The following MITF variants were observed in gnomAD, a reference collection of about 807,000 sequenced individuals.
MITF encodes the protein microphthalmia-associated transcription factor.
Under a neutral mutation model 60.5 loss-of-function variants are expected in MITF, and 17 were observed. That is an observed-to-expected ratio of 0.28 (90% CI 0.19 to 0.42). The LOEUF is 0.42. Among genes scored for constraint, MITF ranks in the 10% least tolerant of loss-of-function variants. The probability of loss-of-function intolerance (pLI) is 1.00; values close to 1 mark genes in which losing one functional copy is unlikely to be tolerated. For missense variants in MITF, 622 were observed against 683.5 expected, an observed-to-expected ratio of 0.91 and a Z score of 1.00; for synonymous variants, 260 against 248.5, an observed-to-expected ratio of 1.05 and a Z score of -0.43.
chr3:69,821,628 A>G (rs1407386166), intron 1 of MITF, among the ~76,000 whole-genome samples: 2 of 151,046 alleles, frequency 1.3e-5, no homozygotes, highest in South Asian at 4.2e-4. Context: ...TCATAAGTAG[A>G]TAACCATCAA....
chr3:69,753,723 C>G (rs551474297), intron 1 of MITF, among the ~76,000 whole-genome samples: 29 of 152,366 alleles, frequency 1.9e-4, no homozygotes, highest in African/African-American at 7.0e-4. Flanking sequence ...GACTGCCCTG[C>G]TGGGTTTTGG....
intron 1 of MITF, among the ~76,000 whole-genome samples, chr3:69,848,957 CTTTTT>C (rs55969316): frequency 1.2e-4 from 9 of 73,306 alleles, no homozygotes; most frequent in African/African-American, 4.0e-4. Context: ...AAAGATTCTT[CTTTTT>C]TTTTTTTTTT....
At chr3:69,926,655 A>G (rs762573471) in intron 2 of MITF, among the ~76,000 whole-genome samples, 2 of 152,176 alleles carry the variant, frequency 1.3e-5, no homozygotes, top group Non-Finnish European at 2.9e-5. Flanking sequence ...CTGCACTCGC[A>G]GCTCCCATGG....
intron 1 of MITF, among the ~76,000 whole-genome samples, chr3:69,772,227 T>C (rs2062404903): frequency 6.6e-6 from 1 of 152,224 alleles, no homozygotes; most frequent in South Asian, 2.1e-4. Flanking sequence ...AGTTTTAATA[T>C]CTACCCTTGG....
At chr3:69,957,077 G>A (rs2066417517) in intron 8 of MITF, among the ~76,000 whole-genome samples, 1 of 152,160 alleles carries the variant, frequency 6.6e-6, no homozygotes, top group South Asian at 2.1e-4. Flanking sequence ...TTAAGTACAG[G>A]TCAGCTAATT....
At chr3:69,823,923 C>T (rs1484715842) in intron 1 of MITF, among the ~76,000 whole-genome samples, 1 of 152,158 alleles carries the variant, frequency 6.6e-6, no homozygotes, top group African/African-American at 2.4e-5. Flanking sequence ...AGAGCTTAGA[C>T]TAAAGGCCAC....
chr3:69,914,004 C>A (rs2065279673), intron 2 of MITF, among the ~76,000 whole-genome samples: 1 of 152,202 alleles, frequency 6.6e-6, no homozygotes, highest in Non-Finnish European at 1.5e-5. Context: ...TTTTCATGGG[C>A]TTTTCCATTT....
chr3:69,835,378 C>A (rs76933221), intron 1 of MITF, among the ~76,000 whole-genome samples: 2,335 of 152,244 alleles, frequency 0.015, 62 homozygotes, highest in African/African-American at 0.053. Context: ...TGGATATTAA[C>A]TCCTTGTCAG....
chr3:69,939,209 T>C, intron 4 of MITF, 28 bp downstream of exon 4: 1 of 1,587,950 alleles, frequency 6.3e-7, no homozygotes, highest in Non-Finnish European at 8.6e-7. Context: ...AGCCTGAGGA[T>C]GAACACTTTG....
rs151295827 is a variant in MITF, at chr3:69,813,838, T to C, written c.105-65296T>C. Among the ~76,000 whole-genome samples, 306 of 152,310 alleles carry C rather than the reference T, an allele frequency of 2.0e-3. 1 individual carries two copies. The highest frequency in any genetic ancestry group is 6.7e-3 in the African/African-American group (277 of 41,564). On this transcript the variant is annotated intron_variant, in intron 1 of 9. Transcript: ENST00000352241. ...AAGGATCTTAGATAAAATTGTGAAA[T>C]GGACTTAACTAGGCAATGAAAGATT... is the stretch of plus-strand genomic sequence containing the variant.
At chr3:69,878,906 C>A (rs535797801) in intron 1 of MITF, among the ~76,000 whole-genome samples, 4 of 152,118 alleles carry the variant, frequency 2.6e-5, no homozygotes, top group African/African-American at 9.6e-5. Context: ...ATTAAGCCGC[C>A]TGATAAAAAT....
intron 1 of MITF, among the ~76,000 whole-genome samples, chr3:69,770,735 A>G (rs2062380990): frequency 6.6e-6 from 1 of 152,234 alleles, no homozygotes; most frequent in Non-Finnish European, 1.5e-5. Flanking sequence ...ACAAAAGGCA[A>G]GATAAATAAG....
In MITF at chr3:69,869,802, T is replaced by C. The variant is rs201597856; in HGVS notation, c.105-9332T>C. ...AAACAAAAGGAACCGATAGGCTGAA[T>C]CTATAGGAACTGCCTCCCCCTCAGG... On this transcript the variant is annotated intron_variant, in intron 1 of 9. Coordinates refer to ENST00000352241, the MANE Select transcript of MITF (RefSeq NM_001354604.2). Among the ~76,000 whole-genome samples, 46 of 152,232 alleles carry C rather than the reference T, an allele frequency of 3.0e-4. 1 individual carries two copies. The East Asian group carries it at 7.5e-3, about 25-fold the overall frequency.
intron 1 of MITF, among the ~76,000 whole-genome samples, chr3:69,874,251 C>G (rs1161463784): frequency 6.6e-6 from 1 of 152,164 alleles, no homozygotes; most frequent in Admixed American, 6.5e-5. Flanking sequence ...AATAAATTAT[C>G]TTCTCTCTCC....
Position 69,966,636 on chromosome 3 carries a change from C to T in MITF, c.*1388C>T, listed in dbSNP as rs1011398412. On this transcript the variant is annotated 3_prime_UTR_variant, in exon 10 of 10. Coordinates refer to ENST00000352241, the MANE Select transcript of MITF (RefSeq NM_001354604.2). ...TTGATAACAATGTTTTAACAAGAAGCAATGTTATAAAGTTAGTTTCAGTGC... is the reference window on the plus strand; with the variant it reads ...TTGATAACAATGTTTTAACAAGAAGTAATGTTATAAAGTTAGTTTCAGTGC... 5 of 232,888 alleles carry T rather than the reference C, an allele frequency of 2.1e-5. No homozygotes were observed. The highest frequency in any genetic ancestry group is 3.6e-4 in the South Asian group (2 of 5,526). The allele number at this position is 232,888 out of a possible 1,614,324, so 14.4% of individuals were successfully genotyped here.
intron 1 of MITF, among the ~76,000 whole-genome samples, chr3:69,842,484 A>G (rs1415542471): frequency 1.2e-4 from 18 of 152,196 alleles, no homozygotes; most frequent in Non-Finnish European, 1.5e-5. Context: ...ATGCAGTGGT[A>G]GAAGGAAGCT....
intron 1 of MITF, among the ~76,000 whole-genome samples, chr3:69,782,695 C>T (rs1217062776): frequency 1.3e-5 from 2 of 152,140 alleles, no homozygotes; most frequent in Admixed American, 6.5e-5. Flanking sequence ...TGGAGCATTC[C>T]CTGATTAAAT....
chr3:69,890,785 T>G (rs1416748275), intron 2 of MITF, among the ~76,000 whole-genome samples: 2 of 152,214 alleles, frequency 1.3e-5, no homozygotes, highest in Non-Finnish European at 2.9e-5. Flanking sequence ...AGTGATAATT[T>G]ATATTTTGTT....
chr3:69,807,992 A>G (rs1284784114), intron 1 of MITF, among the ~76,000 whole-genome samples: 2 of 150,214 alleles, frequency 1.3e-5, no homozygotes, highest in African/African-American at 4.9e-5. Flanking sequence ...TAAATAATAT[A>G]TAGACTTAAC....
Sources: gnomAD v4.1 joint callset for allele counts (sites outside exome capture counted in the v4.1 genomes callset) on GRCh38, gnomAD v4.1.1 for gene constraint, MANE v1.5 for transcripts, NCBI Gene and HGNC (gene_info 2026-07-23, HGNC 2026-07-21) for gene names.